The following DENND2D variants were observed in gnomAD, a reference collection of about 807,000 sequenced individuals.
DENND2D encodes DENN domain containing 2D, also known as DENN domain-containing protein 2D.
Under a neutral mutation model 59.8 loss-of-function variants are expected in DENND2D, and 37 were observed. The observed-to-expected ratio is 0.62, with a 90% CI of 0.48 to 0.81. The LOEUF (loss-of-function observed/expected upper bound fraction) is 0.81. Among genes scored for constraint, DENND2D ranks in the 40% least tolerant of loss-of-function variants. DENND2D has a pLI of 0.00. For synonymous variants in DENND2D, 219 were observed against 211.3 expected (o/e 1.04, Z -0.31); for missense variants, 525 against 579.7 (o/e 0.91, Z 0.97).
At chr1:111,189,947 G>C (rs1657583772) in intron 8 of DENND2D, among the ~76,000 whole-genome samples, 1 of 152,030 alleles carries the variant, frequency 6.6e-6, no homozygotes, top group Non-Finnish European at 1.5e-5. Flanking sequence ...GGTGGATCAC[G>C]AGGTCAGGAG....
At chr1:111,198,844 C>G in intron 2 of DENND2D, 102 bp from the exon 3 acceptor site, 1 of 1,215,454 alleles carries the variant, frequency 8.2e-7, no homozygotes, top group African/African-American at 1.5e-5. Flanking sequence ...CTAAAGCAGT[C>G]TAGGGTTAAG....
At position 111,186,535 on chromosome 1, in the gene DENND2D, G is replaced by T. The variant is rs571152397; in HGVS notation, c.*1070C>A. Among the ~76,000 whole-genome samples, 60 of 152,252 alleles carry T rather than the reference G, an allele frequency of 3.9e-4. No homozygotes were observed. The highest frequency in any genetic ancestry group is 1.2e-3 in the Admixed American group (18 of 15,292). On this transcript the variant is annotated 3_prime_UTR_variant, in exon 12 of 12. Coordinates refer to ENST00000357640, the MANE Select transcript of DENND2D (RefSeq NM_024901.5). ...ACACATTAAAAAAGGTAGAATTTTT[G>T]AAGATAAGATTCTTCTAAAAAAGCT...
In DENND2D at chr1:111,192,315, G is replaced by T; in HGVS notation, c.797C>A (p.Thr266Asn). 6.3e-7 allele frequency: 1 copy of T among 1,597,736 alleles called. No individual in the cohort carries two copies. The highest frequency in any genetic ancestry group is 8.6e-7 in the Non-Finnish European group (1 of 1,169,170). Reference sequence around the variant, plus strand: ...AGCAGCATGGATGCACTGAGACAAGGTGCTGGGACAGAGCACAGAGGATGA... The same window carrying T: ...AGCAGCATGGATGCACTGAGACAAGTTGCTGGGACAGAGCACAGAGGATGA... Reference protein sequence around the residue: ...KIIFLAEGLSTLSQCIHAAAA... With the variant: ...KIIFLAEGLSNLSQCIHAAAA... Residue 266 changes from threonine (T) to asparagine (N), a missense_variant and splice_region_variant, in exon 8 of 12, where the codon ACC (threonine) becomes AAC (asparagine). By Grantham distance (65) the Thr-to-Asn change is moderately conservative. Around this residue, in one of 3 missense-constraint regions of DENND2D, gnomAD observed 225 missense variants for 252.4 expected, o/e 0.89. Coordinates refer to ENST00000357640, the MANE Select transcript of DENND2D (RefSeq NM_024901.5).
intron 3 of DENND2D, 62 bp from the exon 4 acceptor site, chr1:111,198,051 G>C (rs1047429162): frequency 6.5e-7 from 1 of 1,547,674 alleles, no homozygotes; most frequent in Non-Finnish European, 8.9e-7. Context: ...CAGGAAAGTG[G>C]TCAGCACTAG....
At chr1:111,188,101 G>T in intron 11 of DENND2D, 30 bp downstream of exon 11, 2 of 1,613,552 alleles carry the variant, frequency 1.2e-6, no homozygotes, top group Non-Finnish European at 1.7e-6. Context: ...ACCCTCTATG[G>T]GCTTAGACTG....
chr1:111,188,154 T>C lies in DENND2D; in HGVS notation c.1316A>G (p.Glu439Gly). The change falls in exon 11 of 12, where the codon GAG becomes GGG. Residue 439 changes from glutamate to glycine, a missense_variant. Physicochemically the swap from Glu to Gly is moderately conservative, Grantham distance 98. Transcript: ENST00000357640. ...QLFSLFIQEA[E>G]KSKNPPAGYF... ...ACCTGCAGGAGGATTCTTGCTCTTCTCGGCTTCCTGGATGAAAAGTGAGAA... is the reference window on the plus strand; with the variant it reads ...ACCTGCAGGAGGATTCTTGCTCTTCCCGGCTTCCTGGATGAAAAGTGAGAA... 1.2e-6 allele frequency: 2 copies of C among 1,614,250 alleles called. No individual in the cohort carries two copies. The highest frequency in any genetic ancestry group is 1.7e-6 in the Non-Finnish European group (2 of 1,180,044).
At chr1:111,189,691 C>G (rs1189370021) in intron 8 of DENND2D, among the ~76,000 whole-genome samples, 1 of 152,232 alleles carries the variant, frequency 6.6e-6, no homozygotes, top group Non-Finnish European at 1.5e-5. Context: ...CCCAAAGAAG[C>G]TGCCCGAGGT....
intron 2 of DENND2D, 39 bp from the exon 3 acceptor site, chr1:111,198,781 G>A: frequency 1.2e-6 from 2 of 1,607,682 alleles, no homozygotes; most frequent in South Asian, 1.1e-5. Context: ...TGTGAAGCTG[G>A]GGGCAGAGAT....
upstream of DENND2D, among the ~76,000 whole-genome samples, chr1:111,202,678 C>T (rs1176062643): frequency 2.1e-5 from 3 of 141,582 alleles, no homozygotes; most frequent in Admixed American, 1.5e-4. Flanking sequence ...ACCACCACAT[C>T]ACTCCTTGTC....
chr1:111,197,058 T>C, intron 5 of DENND2D, 118 bp downstream of exon 5: 1 of 1,219,672 alleles, frequency 8.2e-7, no homozygotes, highest in South Asian at 1.4e-5. Flanking sequence ...CCAAGTGTGC[T>C]TTAATGCTGA....
intron 9 of DENND2D, 28 bp downstream of exon 9, chr1:111,189,184 T>C (rs1194794306): frequency 6.2e-7 from 1 of 1,613,770 alleles, no homozygotes; most frequent in South Asian, 1.1e-5. Flanking sequence ...TTGATAGGCC[T>C]GCAGGGGATC....
At chr1:111,192,393 C>A in intron 7 of DENND2D, 76 bp from the exon 8 acceptor site, 1 of 1,413,406 alleles carries the variant, frequency 7.1e-7, no homozygotes, top group Non-Finnish European at 9.4e-7. Flanking sequence ...CGCCCACCAC[C>A]AACAGCAGCT....
Position 111,187,491 on chromosome 1 carries a change from CAGAGTG to C in DENND2D, c.*108_*113del. 1 of 796,188 alleles carries C rather than the reference CAGAGTG, an allele frequency of 1.3e-6. No homozygotes were observed. The highest frequency in any genetic ancestry group is 1.6e-5 in the South Asian group (1 of 62,934). The allele number at this position is 796,188 out of a possible 1,614,324, so 49.3% of individuals were successfully genotyped here. A position where few individuals can be genotyped will look rare whatever the true frequency, so the allele number is the denominator to read the frequency against. On this transcript the variant is annotated 3_prime_UTR_variant, in exon 12 of 12. Coordinates refer to ENST00000357640, the MANE Select transcript of DENND2D (RefSeq NM_024901.5). The stretch of plus-strand genomic sequence containing the variant: ...GAAGCAATACCTGGATACCAAGACT[CAGAGTG>C]AGGATATGGATTTTGGGAGCTGACA...
At chr1:111,196,185 G>A in intron 5 of DENND2D, 129 bp from the exon 6 acceptor site, 1 of 1,228,360 alleles carries the variant, frequency 8.1e-7, no homozygotes, top group South Asian at 1.6e-5. Context: ...GTATCTTCTA[G>A]GGCCCTCCAC....
Position 111,187,608 on chromosome 1 carries a change from T to C in DENND2D, c.1413A>G (p.Lys471=), listed in dbSNP as rs746129363. The change falls in exon 12 of 12, where the codon AAA becomes AAG. Residue 471 remains lysine (K), a synonymous_variant. Coordinates refer to ENST00000357640, the MANE Select transcript of DENND2D (RefSeq NM_024901.5). The part of the protein sequence containing the change: ...KQKKPREKTV[K] ...TCATTCTTATTCACCACAGCTCTTA[T>C]TTCACAGTTTTTTCCCTTGGTTTCT... 4.3e-6 allele frequency: 7 copies of C among 1,612,786 alleles called. No homozygotes were observed. The highest frequency in any genetic ancestry group is 5.9e-6 in the Non-Finnish European group (7 of 1,178,822).
At chr1:111,200,783 A>C (rs1658727420), upstream of DENND2D, 1 of 1,132,922 alleles carries the variant, frequency 8.8e-7, no homozygotes, top group East Asian at 5.5e-5. Flanking sequence ...TCTGGCTGAA[A>C]GTAGCCGGAA....
chr1:111,188,056 ATTCT>A lies in DENND2D; in HGVS notation c.1339+71_1339+74del, dbSNP rs1411358576. The A allele has an allele frequency of 3.2e-6, 5 of 1,555,064 alleles. No homozygotes were observed. The African/African-American group carries it at 4.1e-5, about 13-fold the overall frequency. On this transcript the variant is annotated intron_variant, in intron 11 of 11. Coordinates refer to ENST00000357640, the MANE Select transcript of DENND2D (RefSeq NM_024901.5). ...ATTTTGTGGGTTTCTAAAGAGAAGT[ATTCT>A]TTCTTTCCCCTCCTCTTTATTCTAG...
chr1:111,201,227 T>A (rs1288543262), upstream of DENND2D: 1 of 152,178 alleles, frequency 6.6e-6, no homozygotes, highest in Non-Finnish European at 1.5e-5. Context: ...GAGAGCAAAA[T>A]CCATCTCTAA....
chr1:111,188,572 G>T, intron 10 of DENND2D, 130 bp downstream of exon 10: 1 of 1,176,286 alleles, frequency 8.5e-7, no homozygotes, highest in Non-Finnish European at 1.2e-6. Context: ...ATTCAGACTT[G>T]CCCTAGGTTC....
Sources: gnomAD v4.1 joint callset for allele counts (sites outside exome capture counted in the v4.1 genomes callset) on GRCh38, gnomAD v4.1.1 for gene constraint, gnomAD v4.1.1 regional missense constraint, MANE v1.5 for transcripts, NCBI Gene and HGNC (gene_info 2026-07-23, HGNC 2026-07-21) for gene names.